SMAP1: variants seen among roughly 807,000 people sequenced by gnomAD.
SMAP1 encodes small ArfGAP 1.
In SMAP1, 24 loss-of-function variants were observed where a neutral mutation model predicts 58.5. The ratio of observed to expected loss-of-function variants is 0.41; its 90% CI spans 0.30 to 0.58. The LOEUF is 0.58. Among genes scored for constraint, SMAP1 ranks in the 20% least tolerant of loss-of-function variants. The pLI is 0.29. For synonymous variants in SMAP1, 216 were observed against 196.6 expected, an observed-to-expected ratio of 1.10 and a Z score of -0.82; for missense variants, 563 against 566.3, an observed-to-expected ratio of 0.99 and a Z score of 0.06.
intron 1 of SMAP1, among the ~76,000 whole-genome samples, chr6:70,730,154 A>G (rs552904766): frequency 6.6e-6 from 1 of 152,040 alleles, no homozygotes; most frequent in South Asian, 2.1e-4. Flanking sequence ...GGCTCAAGCT[A>G]TCCTTCTGCC....
At chr6:70,744,328 C>T (rs577565634) in intron 2 of SMAP1, among the ~76,000 whole-genome samples, 3 of 152,198 alleles carry the variant, frequency 2.0e-5, no homozygotes, top group African/African-American at 4.8e-5. Context: ...TCCCCCAGCC[C>T]CACACCCCCG....
In SMAP1 at chr6:70,861,401, G is replaced by A. The variant is rs1429191942; in HGVS notation, c.*1067G>A. On this transcript the variant is annotated 3_prime_UTR_variant, in exon 11 of 11. Transcript: ENST00000370455. ...AGTGGTATCTTGCAGTATCGGCACT[G>A]TACAAAAAAATCTTCCAATTTAGTT... is the stretch of plus-strand genomic sequence containing the variant. The A allele has an allele frequency of 2.2e-6, 1 of 459,986 alleles. No individual in the cohort carries two copies. The highest frequency in any genetic ancestry group is 1.9e-5 in the African/African-American group (1 of 51,450). 28.5% of individuals were successfully genotyped at this position (459,986 alleles called of 1,614,324 possible).
chr6:70,727,576 G>A (rs1178970121), intron 1 of SMAP1, among the ~76,000 whole-genome samples: 1 of 152,164 alleles, frequency 6.6e-6, no homozygotes, highest in East Asian at 1.9e-4. Context: ...TTTGTGTTTT[G>A]TCATCTTCGT....
intron 5 of SMAP1, among the ~76,000 whole-genome samples, chr6:70,797,455 T>C (rs9364106): frequency 0.27 from 40,379 of 151,964 alleles, 6,208 homozygotes; most frequent in East Asian, 0.69. Context: ...TCCCTTCTCC[T>C]TAAAGGTAAT....
chr6:70,724,783 G>C (rs1033028414), intron 1 of SMAP1, among the ~76,000 whole-genome samples: 2 of 152,058 alleles, frequency 1.3e-5, no homozygotes, highest in Non-Finnish European at 1.5e-5. Context: ...CTAGGTCATA[G>C]CAAAATATGT....
chr6:70,722,408 CCTTT>C (rs1401937247), intron 1 of SMAP1, among the ~76,000 whole-genome samples: 42 of 152,340 alleles, frequency 2.8e-4, no homozygotes, highest in African/African-American at 9.9e-4. Flanking sequence ...TAGCTTTAAT[CCTTT>C]CTTTCTTGTC....
At position 70,860,515 on chromosome 6, in the gene SMAP1, T is replaced by G. The variant is rs1771672065; in HGVS notation, c.*181T>G. ...CAATTTGATGTGGTGAAAAGCAGGT[T>G]GATAAATCATTTTATGTCAAGGGCA... is the stretch of plus-strand genomic sequence containing the variant. On this transcript the variant is annotated 3_prime_UTR_variant, in exon 11 of 11. Coordinates refer to ENST00000370455, the MANE Select transcript of SMAP1 (RefSeq NM_001044305.3). 1 of 580,502 alleles carries G rather than the reference T, an allele frequency of 1.7e-6. No homozygotes were observed. The highest frequency in any genetic ancestry group is 1.9e-5 in the African/African-American group (1 of 51,874). The allele number at this position is 580,502 out of a possible 1,614,324, so 36.0% of individuals were successfully genotyped here.
chr6:70,746,608 AT>A, intron 2 of SMAP1, among the ~76,000 whole-genome samples: 1 of 152,132 alleles, frequency 6.6e-6, no homozygotes, highest in Non-Finnish European at 1.5e-5. Context: ...ATCGATGTTC[AT>A]CAGGGATATT....
rs2128546898 is a variant in SMAP1, at chr6:70,671,027, C to G, written c.118+2886C>G. 1.3e-5 allele frequency among the ~76,000 whole-genome samples: 2 copies of G among 152,358 alleles called. 1 individual carries two copies. The highest frequency in any genetic ancestry group is 3.9e-4 in the East Asian group (2 of 5,188). ...TGGAACTACTCCTCCTCTCTCCTAG[C>G]TGCATTCATGACTCAGTGGGAGTTT... is the stretch of plus-strand genomic sequence containing the variant. On this transcript the variant is annotated intron_variant, in intron 1 of 10. Coordinates refer to ENST00000370455, the MANE Select transcript of SMAP1 (RefSeq NM_001044305.3).
At chr6:70,827,113 C>T (rs1256849672) in intron 6 of SMAP1, among the ~76,000 whole-genome samples, 2 of 152,002 alleles carry the variant, frequency 1.3e-5, no homozygotes, top group Non-Finnish European at 2.9e-5. Flanking sequence ...GACAGCTATC[C>T]AATTAATAGA....
chr6:70,683,414 C>T (rs753575837), intron 1 of SMAP1, among the ~76,000 whole-genome samples: 3 of 151,996 alleles, frequency 2.0e-5, no homozygotes, highest in Non-Finnish European at 2.9e-5. Flanking sequence ...TTGTGATCCA[C>T]CCGCCTTGGC....
intron 6 of SMAP1, among the ~76,000 whole-genome samples, chr6:70,812,609 T>G (rs920321831): frequency 1.3e-5 from 2 of 152,164 alleles, no homozygotes. Context: ...TATTTTAACT[T>G]CTTCAAAACT....
chr6:70,672,862 G>T lies in SMAP1; in HGVS notation c.118+4721G>T, dbSNP rs551012358. 2.0e-5 allele frequency among the ~76,000 whole-genome samples: 3 copies of T among 152,070 alleles called. No individual in the cohort carries two copies. In the South Asian group the frequency reaches 6.3e-4, roughly 32 times the overall value. On this transcript the variant is annotated intron_variant, in intron 1 of 10. Coordinates refer to ENST00000370455, the MANE Select transcript of SMAP1 (RefSeq NM_001044305.3). The stretch of plus-strand genomic sequence containing the variant: ...TTCATCAGATAGAGAAGGAATTAAA[G>T]GACACAGCTGCACACACACATGTAC...
At chr6:70,728,035 G>A (rs1765260647) in intron 1 of SMAP1, among the ~76,000 whole-genome samples, 1 of 152,126 alleles carries the variant, frequency 6.6e-6, no homozygotes, top group African/African-American at 2.4e-5. Flanking sequence ...CTGCACTCCA[G>A]CCTGGGCAAT....
intron 1 of SMAP1, among the ~76,000 whole-genome samples, chr6:70,701,011 A>C (rs1006050754): frequency 6.6e-6 from 1 of 152,124 alleles, no homozygotes; most frequent in Non-Finnish European, 1.5e-5. Context: ...TCCAAGTTGC[A>C]AGGCAAAGTC....
intron 1 of SMAP1, 58 bp from the exon 2 acceptor site, chr6:70,732,320 T>C (rs1192089596): frequency 6.4e-7 from 1 of 1,550,984 alleles, no homozygotes; most frequent in Non-Finnish European, 8.7e-7. Flanking sequence ...AATATGCTGT[T>C]ATGTTTATTT....
At chr6:70,704,779 G>A (rs1248859980) in intron 1 of SMAP1, among the ~76,000 whole-genome samples, 1 of 152,144 alleles carries the variant, frequency 6.6e-6, no homozygotes, top group Non-Finnish European at 1.5e-5. Context: ...GAAAGTAGTT[G>A]GACTCTGCAT....
intron 4 of SMAP1, among the ~76,000 whole-genome samples, chr6:70,780,660 AAAGTATTTTAAGTGAGTTT>A (rs1335600098): frequency 1.3e-5 from 2 of 152,222 alleles, no homozygotes; most frequent in African/African-American, 4.8e-5. Context: ...AATGGGAAGC[AAAGTATTTTAAGTGAGTTT>A]AAGAGATACA....
At chr6:70,757,612 C>G (rs1766551941) in intron 3 of SMAP1, among the ~76,000 whole-genome samples, 1 of 151,814 alleles carries the variant, frequency 6.6e-6, no homozygotes, top group Admixed American at 6.6e-5. Context: ...ATTTTCGCAA[C>G]CTACTCATCT....
Sources: allele counts gnomAD v4.1 joint callset (sites outside exome capture counted in the v4.1 genomes callset), GRCh38; gene constraint gnomAD v4.1.1; transcripts MANE v1.5; gene names NCBI Gene and HGNC (gene_info 2026-07-23, HGNC 2026-07-21).